TENT4B: variants seen among roughly 807,000 people sequenced by gnomAD.
TENT4B encodes PAP associated domain containing 5.
In TENT4B, 10 loss-of-function variants were observed where a neutral mutation model predicts 75.0. The observed-to-expected ratio is 0.13, with a 90% CI of 0.08 to 0.23. The LOEUF is 0.23. Ranked by LOEUF, TENT4B falls within the 10% of genes least tolerant of loss-of-function variation. The pLI, the probability that TENT4B is intolerant of heterozygous loss-of-function variation, is 1.00. For missense variants in TENT4B, 579 were observed against 893.8 expected (o/e 0.65, Z 4.49); for synonymous variants, 350 against 357.7 (o/e 0.98, Z 0.24).
intron 1 of TENT4B, among the ~76,000 whole-genome samples, chr16:50,185,594 T>A (rs117441253): frequency 0.021 from 3,183 of 152,316 alleles, 48 homozygotes; most frequent in Non-Finnish European, 0.032. Flanking sequence ...AACCTTTGAT[T>A]TTTAGTGATT....
At position 50,233,411 on chromosome 16, in the gene TENT4B, T is replaced by C; in HGVS notation, c.*4083T>C. The stretch of plus-strand genomic sequence containing the variant: ...AGCCAGATTTTACTGTAGAAGTTAT[T>C]TACATGATTTGAAAACTTGACCTAA... On this transcript the variant is annotated 3_prime_UTR_variant, in exon 12 of 12. Coordinates refer to ENST00000561678, the MANE Select transcript of TENT4B (RefSeq NM_001365324.3). 1 of 985,430 alleles carries C rather than the reference T, an allele frequency of 1.0e-6. No individual in the cohort carries two copies. The highest frequency in any genetic ancestry group is 1.2e-6 in the Non-Finnish European group (1 of 829,918). 61.0% of individuals were successfully genotyped at this position (985,430 alleles called of 1,614,324 possible).
intron 1 of TENT4B, among the ~76,000 whole-genome samples, chr16:50,158,590 A>AGAAC (rs1276506543): frequency 1.3e-5 from 2 of 152,230 alleles, no homozygotes; most frequent in African/African-American, 4.8e-5. Flanking sequence ...GGGAATTTGC[A>AGAAC]GAACTTGGTC....
intron 11 of TENT4B, among the ~76,000 whole-genome samples, chr16:50,228,676 A>G (rs1453234508): frequency 1.3e-5 from 2 of 152,246 alleles, no homozygotes; most frequent in East Asian, 3.8e-4. Flanking sequence ...TTAGCCATGT[A>G]TGCCAGACAC....
chr16:50,184,257 G>A (rs918464186), intron 1 of TENT4B, among the ~76,000 whole-genome samples: 2 of 152,172 alleles, frequency 1.3e-5, no homozygotes, highest in Non-Finnish European at 2.9e-5. Flanking sequence ...GTTATAGCAT[G>A]TATCATTACT....
At position 50,229,543 on chromosome 16, in the gene TENT4B, G is replaced by C. The variant is rs549432898; in HGVS notation, c.*215G>C. The C allele has an allele frequency of 4.8e-6, 6 of 1,253,592 alleles. No individual in the cohort carries two copies. The highest frequency in any genetic ancestry group is 6.0e-6 in the Non-Finnish European group (6 of 1,002,520). 77.7% of individuals were successfully genotyped at this position (1,253,592 alleles called of 1,614,324 possible). A position where few individuals can be genotyped will look rare whatever the true frequency, so the allele number is the denominator to read the frequency against. On this transcript the variant is annotated 3_prime_UTR_variant, in exon 12 of 12. Transcript: ENST00000561678. ...AAAAAAAAAGCAAGCAAAAAAGAGG[G>C]AAAAAAAAGGCTGCTTATTTGATAA...
chr16:50,219,727 TTC>T lies in TENT4B; in HGVS notation c.1038+2070_1038+2071del, dbSNP rs567366850. Among the ~76,000 whole-genome samples, 251 of 145,016 alleles carry T rather than the reference TTC, an allele frequency of 1.7e-3. 1 individual carries two copies. The South Asian group carries it at 0.021, about 12-fold the overall frequency. On this transcript the variant is annotated intron_variant, in intron 5 of 11. Coordinates refer to ENST00000561678, the MANE Select transcript of TENT4B (RefSeq NM_001365324.3). ...CTTCCTCTATCCCTCCCTTTCCCTT[TTC>T]TCTCTTTTTCTTTCCCTCCCTTTTC...
intron 1 of TENT4B, among the ~76,000 whole-genome samples, chr16:50,187,767 G>C (rs1053554915): frequency 2.0e-5 from 3 of 151,866 alleles, no homozygotes; most frequent in African/African-American, 7.3e-5. Flanking sequence ...GCTCATGCTT[G>C]TAATTGCAGC....
intron 3 of TENT4B, 140 bp from the exon 4 acceptor site, chr16:50,215,935 T>C (rs1318487140): frequency 1.0e-6 from 1 of 975,562 alleles, no homozygotes; most frequent in African/African-American, 1.6e-5. Context: ...ACAAAACCAT[T>C]ATCACCAACA....
intron 1 of TENT4B, among the ~76,000 whole-genome samples, chr16:50,162,823 G>T (rs763384531): frequency 2.0e-5 from 3 of 152,018 alleles, no homozygotes; most frequent in Non-Finnish European, 2.9e-5. Context: ...AAAACTGTGG[G>T]GTTTATTTCA....
chr16:50,233,813 G>A lies in TENT4B; in HGVS notation c.*4485G>A. 1.0e-6 allele frequency: 1 copy of A among 985,388 alleles called. No individual in the cohort carries two copies. Among genetic ancestry groups the A allele is most frequent in the South Asian group, 4.7e-5 (1 of 21,286 alleles). The allele number at this position is 985,388 out of a possible 1,614,324, so 61.0% of individuals were successfully genotyped here. On this transcript the variant is annotated 3_prime_UTR_variant, in exon 12 of 12. Coordinates refer to ENST00000561678, the MANE Select transcript of TENT4B (RefSeq NM_001365324.3). ...ACAGAACCAGAGAGATGGATGTAGT[G>A]CATTCCCTTTGGTTATTACACATTT...
intron 1 of TENT4B, among the ~76,000 whole-genome samples, chr16:50,173,195 C>T (rs531845885): frequency 3.3e-5 from 5 of 152,162 alleles, no homozygotes; most frequent in South Asian, 2.1e-4. Context: ...CCACCCACCT[C>T]GGCCTCCCAA....
In TENT4B at chr16:50,230,357, T is replaced by G. The variant is rs1284809551; in HGVS notation, c.*1029T>G. 3.0e-5 allele frequency: 30 copies of G among 984,316 alleles called. No homozygotes were observed. The highest frequency in any genetic ancestry group is 3.6e-5 in the Non-Finnish European group (30 of 829,646). 61.0% of individuals were successfully genotyped at this position (984,316 alleles called of 1,614,324 possible). On this transcript the variant is annotated 3_prime_UTR_variant, in exon 12 of 12. Coordinates refer to ENST00000561678, the MANE Select transcript of TENT4B (RefSeq NM_001365324.3). ...GGTCTCATTCCTGTTGCAGTGAAAC[T>G]TCGAGTTCCACAGACTTTGCATGCT...
At chr16:50,173,153 A>G (rs1051771958) in intron 1 of TENT4B, among the ~76,000 whole-genome samples, 4 of 152,172 alleles carry the variant, frequency 2.6e-5, no homozygotes. Context: ...CATATTGGTC[A>G]GGCTGGTCTC....
At chr16:50,228,258 T>G (rs1424061319) in intron 11 of TENT4B, among the ~76,000 whole-genome samples, 1 of 152,220 alleles carries the variant, frequency 6.6e-6, no homozygotes, top group Admixed American at 6.5e-5. Context: ...CCAGCCAAAC[T>G]ACCATATAAA....
At position 50,205,365 on chromosome 16, in the gene TENT4B, T is replaced by A. The variant is rs189975783; in HGVS notation, c.639-5958T>A. On this transcript the variant is annotated intron_variant, in intron 1 of 11. Transcript: ENST00000561678. ...AGTGGACAAATACATGCTGATTTTT[T>A]AAAAAAAATTATAATAGTACAGAAA... Among the ~76,000 whole-genome samples the A allele has an allele frequency of 1.6e-3, 250 of 151,910 alleles. 4 individuals are homozygous for A. In the East Asian group the frequency reaches 0.035, roughly 21 times the overall value.
At position 50,175,780 on chromosome 16, in the gene TENT4B, T is replaced by TTTTA. The variant is rs530225285; in HGVS notation, c.638+21537_638+21540dup. The stretch of plus-strand genomic sequence containing the variant: ...CCACCACGTCCGGCCAGTTTTTTTG[T>TTTTA]TTTATTTATTTATTTATTTGAAACA... On this transcript the variant is annotated intron_variant, in intron 1 of 11. Coordinates refer to ENST00000561678, the MANE Select transcript of TENT4B (RefSeq NM_001365324.3). Among the ~76,000 whole-genome samples, 13 of 151,932 alleles carry TTTTA rather than the reference T, an allele frequency of 8.6e-5. No homozygotes were observed. The East Asian group carries it at 2.3e-3, about 27-fold the overall frequency.
chr16:50,173,635 G>T (rs2038247752), intron 1 of TENT4B, among the ~76,000 whole-genome samples: 1 of 152,118 alleles, frequency 6.6e-6, no homozygotes, highest in Non-Finnish European at 1.5e-5. Context: ...GTCTTACTTT[G>T]CAGTTCTCTA....
intron 5 of TENT4B, among the ~76,000 whole-genome samples, chr16:50,219,473 G>A (rs571794882): frequency 6.6e-6 from 1 of 152,128 alleles, no homozygotes; most frequent in Non-Finnish European, 1.5e-5. Flanking sequence ...CAGTTCTTCA[G>A]TATTGTTCCA....
intron 1 of TENT4B, among the ~76,000 whole-genome samples, chr16:50,207,184 A>AT (rs1016049738): frequency 6.6e-6 from 1 of 151,030 alleles, no homozygotes; most frequent in African/African-American, 2.4e-5. Flanking sequence ...TTTTTTAAAA[A>AT]TTTTTTTATT....
Sources: gnomAD v4.1 joint callset for allele counts (sites outside exome capture counted in the v4.1 genomes callset) on GRCh38, gnomAD v4.1.1 for gene constraint, MANE v1.5 for transcripts, NCBI Gene and HGNC (gene_info 2026-07-23, HGNC 2026-07-21) for gene names.